Variants in MYL10 observed in about 807,000 individuals in gnomAD.
MYL10 encodes the protein myosin light chain 10.
In MYL10, 18 loss-of-function variants were observed where a neutral mutation model predicts 21.9. That is an observed-to-expected ratio of 0.82 (90% confidence interval 0.57 to 1.22). The LOEUF is 1.22. MYL10 is among the 50% of genes most tolerant of loss of function. The pLI is 0.00. For synonymous variants in MYL10, 88 were observed against 82.8 expected, an observed-to-expected ratio of 1.06 and a Z score of -0.34; for missense variants, 225 against 230.4, an observed-to-expected ratio of 0.98 and a Z score of 0.15.
intron 5 of MYL10, 122 bp downstream of exon 5, chr7:101,621,974 G>T: frequency 1.4e-6 from 1 of 709,484 alleles, no homozygotes; most frequent in Non-Finnish European, 2.4e-6. Context: ...CCTGGGGGCT[G>T]GTGTCTGGGG....
At position 101,629,277 on chromosome 7, in the gene MYL10, T is replaced by C. The variant is rs1342931835; in HGVS notation, c.-159A>G. On this transcript the variant is annotated 5_prime_UTR_variant, in exon 1 of 8. It removes an upstream start codon present in the reference 5' UTR. Transcript: ENST00000223167. ...GCTGCTCAAACCTCTAGGCGGACCA[T>C]GCAGACAGGCAGGCTATGGGGCTCC... The C allele has an allele frequency of 8.0e-6, 2 of 250,824 alleles. No homozygotes were observed. Among genetic ancestry groups the C allele is most frequent in the Non-Finnish European group, 1.6e-5 (2 of 127,002 alleles). The allele number at this position is 250,824 out of a possible 1,614,324, so 15.5% of individuals were successfully genotyped here. A position where few individuals can be genotyped will look rare whatever the true frequency, so the allele number is the denominator to read the frequency against.
At chr7:101,622,322 T>G (rs1796690026) in intron 4 of MYL10, 122 bp from the exon 5 acceptor site, 1 of 669,178 alleles carries the variant, frequency 1.5e-6, no homozygotes, top group Non-Finnish European at 2.4e-6. Flanking sequence ...CCTAAGGCCC[T>G]GACGCCTTTT....
chr7:101,626,485 C>G (rs759319982), intron 1 of MYL10, among the ~76,000 whole-genome samples: 7 of 152,132 alleles, frequency 4.6e-5, no homozygotes, highest in Non-Finnish European at 1.0e-4. Flanking sequence ...AGCTCTGTGC[C>G]GAGAGGGACT....
intron 1 of MYL10, 90 bp downstream of exon 1, chr7:101,628,951 C>T (rs1359995441): frequency 2.3e-6 from 1 of 427,012 alleles, no homozygotes; most frequent in African/African-American, 2.1e-5. Context: ...TCCCATTTTC[C>T]AGATGAGGAA....
Position 101,622,158 on chromosome 7 carries a change from T to C in MYL10, c.392A>G (p.Lys131Arg), listed in dbSNP as rs370361769. 9.3e-6 allele frequency: 15 copies of C among 1,613,256 alleles called. No individual in the cohort carries two copies. Among genetic ancestry groups the C allele is most frequent in the Non-Finnish European group, 1.3e-5 (15 of 1,179,518 alleles). Residue 131 changes from lysine (K) to arginine (R), a missense_variant, in exon 5 of 8, where the codon AAG (lysine) becomes AGG (arginine). Coordinates refer to ENST00000223167, the MANE Select transcript of MYL10 (RefSeq NM_138403.5). Reference sequence around the variant, plus strand: ...GAAGTTGATGGGTCCGGGGGCCTCCTTCACCATGGCCTCCAGTTCCTCGTT... The same window carrying C: ...GAAGTTGATGGGTCCGGGGGCCTCCCTCACCATGGCCTCCAGTTCCTCGTT... ...VKNEELEAMV[K>R]EAPGPINFTV... is the part of the protein sequence containing the mutation.
chr7:101,627,193 G>A (rs1032500966), intron 1 of MYL10, among the ~76,000 whole-genome samples: 8 of 152,010 alleles, frequency 5.3e-5, no homozygotes, highest in African/African-American at 1.7e-4. Context: ...CAGTTACTCG[G>A]GAGGCTGAGA....
chr7:101,623,909 A>G lies in MYL10; in HGVS notation c.273+11T>C, dbSNP rs1300931649. On this transcript the variant is annotated intron_variant, in intron 3 of 7. Coordinates refer to ENST00000223167, the MANE Select transcript of MYL10 (RefSeq NM_138403.5). ...CTGGGCATGGTGGTGCGTGCCTGCA[A>G]TCCCACCTACTTGGGAGGCTGAGGC... 6.2e-6 allele frequency: 2 copies of G among 321,230 alleles called. No homozygotes were observed. The highest frequency in any genetic ancestry group is 1.6e-4 in the East Asian group (2 of 12,726). 19.9% of individuals were successfully genotyped at this position (321,230 alleles called of 1,614,324 possible).
intron 1 of MYL10, among the ~76,000 whole-genome samples, chr7:101,626,143 C>G (rs1268600234): frequency 6.6e-6 from 1 of 152,230 alleles, no homozygotes; most frequent in Non-Finnish European, 1.5e-5. Flanking sequence ...GGGTTCAAAG[C>G]CTGGCTTGGC....
chr7:101,622,860 A>C, intron 4 of MYL10, 137 bp downstream of exon 4: 1 of 679,816 alleles, frequency 1.5e-6, no homozygotes, highest in Non-Finnish European at 2.4e-6. Flanking sequence ...GACTTTCCAG[A>C]CAGTGGCTGC....
Position 101,624,154 on chromosome 7 carries a change from A to G in MYL10, c.171+18T>C, listed in dbSNP as rs748350328. On this transcript the variant is annotated intron_variant, in intron 2 of 7. Coordinates refer to ENST00000223167, the MANE Select transcript of MYL10 (RefSeq NM_138403.5). ...TTCCAAGAATCCTCATAACAGCCCC[A>G]TGGGGCAGCAGACCAACCTCTTTAA... 1 of 1,518,230 alleles carries G rather than the reference A, an allele frequency of 6.6e-7. No homozygotes were observed. Among genetic ancestry groups the G allele is most frequent in the Non-Finnish European group, 9.1e-7 (1 of 1,095,088 alleles). 94.0% of individuals were successfully genotyped at this position (1,518,230 alleles called of 1,614,324 possible).
chr7:101,617,618 G>A (rs940879501), intron 5 of MYL10, among the ~76,000 whole-genome samples: 3 of 152,152 alleles, frequency 2.0e-5, no homozygotes, highest in African/African-American at 7.2e-5. Context: ...ACTAAGTCAG[G>A]ACCATCTGTG....
rs1584535252 is a variant in MYL10, at chr7:101,613,365, A to G, written c.*110T>C. ...ATTATTTATTCTTGCTTTGTCCCCA[A>G]CCGTAGGACAAGGGAAGCCTTTTTC... On this transcript the variant is annotated 3_prime_UTR_variant, in exon 8 of 8. Coordinates refer to ENST00000223167, the MANE Select transcript of MYL10 (RefSeq NM_138403.5). The G allele has an allele frequency of 1.2e-6, 1 of 833,844 alleles. No homozygotes were observed. The highest frequency in any genetic ancestry group is 2.0e-6 in the Non-Finnish European group (1 of 504,578). 51.7% of individuals were successfully genotyped at this position (833,844 alleles called of 1,614,324 possible).
chr7:101,622,374 C>T (rs1454440706), intron 4 of MYL10, among the ~76,000 whole-genome samples, 174 bp from the exon 5 acceptor site: 2 of 152,132 alleles, frequency 1.3e-5, no homozygotes, highest in African/African-American at 4.8e-5. Flanking sequence ...AGTCAGCTTC[C>T]GGCTGCCCCC....
chr7:101,626,542 G>GA (rs1796748466), intron 1 of MYL10, among the ~76,000 whole-genome samples: 2 of 152,208 alleles, frequency 1.3e-5, no homozygotes, highest in South Asian at 4.1e-4. Context: ...CAGCCAGATT[G>GA]ATACCCCGCA....
chr7:101,624,025 T>C lies in MYL10; in HGVS notation c.172-4A>G. ...GCCTGGGCGACAGAGCCAGACTCTG[T>C]CAAACAAACAAATAATAATAATAAT... On this transcript the variant is annotated splice_region_variant and splice_polypyrimidine_tract_variant and intron_variant, in intron 2 of 7. Coordinates refer to ENST00000223167, the MANE Select transcript of MYL10 (RefSeq NM_138403.5). 1.6e-6 allele frequency: 1 copy of C among 639,640 alleles called. No homozygotes were observed. Among genetic ancestry groups the C allele is most frequent in the Non-Finnish European group, 2.8e-6 (1 of 359,768 alleles). 39.6% of individuals were successfully genotyped at this position (639,640 alleles called of 1,614,324 possible).
intron 1 of MYL10, among the ~76,000 whole-genome samples, chr7:101,625,377 G>T (rs1343763119): frequency 6.6e-6 from 1 of 152,226 alleles, no homozygotes; most frequent in Non-Finnish European, 1.5e-5. Context: ...AAGAATTGCT[G>T]GATTCCAGAC....
At chr7:101,613,813 C>G (rs905669842) in intron 6 of MYL10, 103 bp from the exon 7 acceptor site, 1 of 1,136,872 alleles carries the variant, frequency 8.8e-7, no homozygotes, top group South Asian at 1.3e-5. Context: ...GGGGGACATC[C>G]TGGACCAGGA....
In MYL10 at chr7:101,613,435, G is replaced by A. The variant is rs1233365947; in HGVS notation, c.*40C>T. 3 of 1,555,758 alleles carry A rather than the reference G, an allele frequency of 1.9e-6. No homozygotes were observed. The highest frequency in any genetic ancestry group is 1.7e-5 in the Admixed American group (1 of 59,934). On this transcript the variant is annotated 3_prime_UTR_variant, in exon 8 of 8. Coordinates refer to ENST00000223167, the MANE Select transcript of MYL10 (RefSeq NM_138403.5). ...GAGCTCCCTGTCACACCCCACAACA[G>A]TGTTTGCTGCCCCTGAATGTCGGGG...
chr7:101,627,861 G>C (rs147106517), intron 1 of MYL10, among the ~76,000 whole-genome samples: 1 of 152,230 alleles, frequency 6.6e-6, no homozygotes, highest in African/African-American at 2.4e-5. Flanking sequence ...GTGTTGCCCA[G>C]GGTGGGGCCA....
Sources: allele counts gnomAD v4.1 joint callset (sites outside exome capture counted in the v4.1 genomes callset), GRCh38; gene constraint gnomAD v4.1.1; transcripts MANE v1.5; gene names NCBI Gene and HGNC (gene_info 2026-07-23, HGNC 2026-07-21).